The following ADSS2 variants were observed in gnomAD, a reference collection of about 807,000 sequenced individuals.
ADSS2 encodes adenylosuccinate synthase 2, also known as adenylosuccinate synthetase isozyme 2.
A neutral mutation model predicts 60.0 loss-of-function variants in ADSS2; 30 were observed. The ratio of observed to expected loss-of-function variants is 0.50; its 90% CI spans 0.37 to 0.68. The LOEUF (loss-of-function observed/expected upper bound fraction) is 0.68, where lower values mean the gene tolerates loss of function less well. Among genes scored for constraint, ADSS2 ranks in the 30% least tolerant of loss-of-function variants. The pLI is 0.00. For missense variants in ADSS2, 373 were observed against 554.8 expected, an observed-to-expected ratio of 0.67 and a Z score of 3.29; for synonymous variants, 187 against 193.1, an observed-to-expected ratio of 0.97 and a Z score of 0.26.
intron 1 of ADSS2, among the ~76,000 whole-genome samples, chr1:244,444,620 G>A (rs1572149001): frequency 1.3e-5 from 2 of 150,622 alleles, no homozygotes; most frequent in Non-Finnish European, 3.0e-5. Flanking sequence ...AAATAAACTG[G>A]AACATCATGA....
At chr1:244,432,774 C>T (rs1297799456) in intron 3 of ADSS2, among the ~76,000 whole-genome samples, 179 bp from the exon 4 acceptor site, 1 of 147,794 alleles carries the variant, frequency 6.8e-6, no homozygotes, top group Non-Finnish European at 1.5e-5. Flanking sequence ...CTGCCATTCT[C>T]CTGCCTCAGC....
chr1:244,440,564 A>T (rs1210127295), intron 1 of ADSS2, among the ~76,000 whole-genome samples: 2 of 152,158 alleles, frequency 1.3e-5, no homozygotes, highest in Non-Finnish European at 2.9e-5. Flanking sequence ...ATTATTTTTT[A>T]CTATTTATTT....
chr1:244,414,720 G>C (rs568639539), intron 11 of ADSS2, among the ~76,000 whole-genome samples: 9 of 152,336 alleles, frequency 5.9e-5, no homozygotes, highest in Non-Finnish European at 1.2e-4. Flanking sequence ...ACTCTCTGCT[G>C]CTGGTGGGGA....
Position 244,435,350 on chromosome 1 carries a change from T to C in ADSS2, c.355+1475A>G, listed in dbSNP as rs147009209. On this transcript the variant is annotated intron_variant, in intron 3 of 12. Coordinates refer to ENST00000366535, the MANE Select transcript of ADSS2 (RefSeq NM_001126.5). ...AGAATATTTCAGATTTCAGATTTTT[T>C]TTGGACTTTGGAATATCTGCATATA... Among the ~76,000 whole-genome samples, 816 of 152,200 alleles carry C rather than the reference T, an allele frequency of 5.4e-3. 8 individuals carry two copies. Among genetic ancestry groups the C allele is most frequent in the Non-Finnish European group, 6.3e-3 (430 of 68,000 alleles).
intron 1 of ADSS2, among the ~76,000 whole-genome samples, chr1:244,449,552 C>T (rs533854771): frequency 2.0e-5 from 3 of 152,262 alleles, no homozygotes; most frequent in African/African-American, 7.2e-5. Flanking sequence ...TAAGTAGATG[C>T]CAGCTTACTA....
rs1665109892 is a variant in ADSS2 at position 244,436,695 on chromosome 1, A to G, written c.355+130T>C. The G allele has an allele frequency of 2.8e-5, 18 of 640,090 alleles. No homozygotes were observed. The South Asian group carries it at 4.2e-4, about 15-fold the overall frequency. 39.7% of individuals were successfully genotyped at this position (640,090 alleles called of 1,614,324 possible). ...TATAATGAATAAAACTTAATAACTGACATTAAAAATTCGTCTATAATAGCC... is the reference window on the plus strand; with the variant it reads ...TATAATGAATAAAACTTAATAACTGGCATTAAAAATTCGTCTATAATAGCC... On this transcript the variant is annotated intron_variant, in intron 3 of 12. Coordinates refer to ENST00000366535, the MANE Select transcript of ADSS2 (RefSeq NM_001126.5).
At chr1:244,421,818 A>G (rs986997456) in intron 7 of ADSS2, among the ~76,000 whole-genome samples, 1 of 151,778 alleles carries the variant, frequency 6.6e-6, no homozygotes, top group East Asian at 1.9e-4. Context: ...ATCTCTACCA[A>G]AAAAAAACCT....
intron 4 of ADSS2, among the ~76,000 whole-genome samples, chr1:244,429,316 A>G (rs903200372): frequency 1.3e-5 from 2 of 152,204 alleles, no homozygotes; most frequent in Non-Finnish European, 2.9e-5. Context: ...ACAGAATCTC[A>G]TATTATGGAA....
At chr1:244,434,399 T>A (rs1028095141) in intron 3 of ADSS2, among the ~76,000 whole-genome samples, 1 of 151,022 alleles carries the variant, frequency 6.6e-6, no homozygotes, top group African/African-American at 2.4e-5. Flanking sequence ...CCCAAATCGA[T>A]GTTTTTCTTT....
intron 1 of ADSS2, among the ~76,000 whole-genome samples, chr1:244,441,273 T>C (rs1288057084): frequency 6.6e-6 from 1 of 152,118 alleles, no homozygotes; most frequent in African/African-American, 2.4e-5. Flanking sequence ...TTAGCCAGGA[T>C]GGTCTCGATC....
chr1:244,416,039 C>T lies in ADSS2; in HGVS notation c.1110G>A (p.Thr370=), dbSNP rs139329929. ...LTKLDILDMF[T]EIKVGVAYKL... is the part of the protein sequence containing the mutation. The stretch of plus-strand genomic sequence containing the variant: ...TGTAAGCAACTCCAACTTTGATTTC[C>T]GTAAACATGTCCAAAATATCCAACT... Residue 370 remains threonine, a synonymous_variant, in exon 11 of 13, where the codon ACG becomes ACA. Coordinates refer to ENST00000366535, the MANE Select transcript of ADSS2 (RefSeq NM_001126.5). 4.8e-5 allele frequency: 78 copies of T among 1,613,816 alleles called. 1 individual carries two copies. The African/African-American group carries it at 5.7e-4, about 12-fold the overall frequency.
intron 3 of ADSS2, among the ~76,000 whole-genome samples, chr1:244,433,326 AAG>A (rs974764828): frequency 1.3e-5 from 2 of 152,226 alleles, no homozygotes; most frequent in Admixed American, 6.5e-5. Flanking sequence ...CATGTCTAAC[AAG>A]AGTTTTCTCA....
At chr1:244,440,714 T>G (rs1045921983) in intron 1 of ADSS2, among the ~76,000 whole-genome samples, 4 of 152,222 alleles carry the variant, frequency 2.6e-5, no homozygotes, top group Admixed American at 2.0e-4. Flanking sequence ...AGGTGATTTA[T>G]GCATATAAAA....
At chr1:244,419,078 A>G (rs560460959) in intron 8 of ADSS2, 164 bp from the exon 9 acceptor site, 492 of 679,502 alleles carry the variant, frequency 7.2e-4, no homozygotes, top group Admixed American at 1.4e-3. Flanking sequence ...TATTCATTTT[A>G]GCTGTAATGA....
intron 4 of ADSS2, among the ~76,000 whole-genome samples, chr1:244,428,345 C>T (rs1287014593): frequency 6.6e-6 from 1 of 151,976 alleles, no homozygotes; most frequent in Non-Finnish European, 1.5e-5. Context: ...ACATCATACT[C>T]AACTTATAAG....
chr1:244,427,043 T>C (rs1223411711), intron 4 of ADSS2, among the ~76,000 whole-genome samples: 2 of 152,098 alleles, frequency 1.3e-5, no homozygotes, highest in Non-Finnish European at 2.9e-5. Context: ...ACCTAACTAA[T>C]CTGGATTTCA....
At chr1:244,428,498 A>AGAAGGAAG (rs60116651) in intron 4 of ADSS2, among the ~76,000 whole-genome samples, 15 of 150,590 alleles carry the variant, frequency 1.0e-4, no homozygotes, top group African/African-American at 3.2e-4. Flanking sequence ...GAGGAAGCAA[A>AGAAGGAAG]GAAGGAAGGA....
chr1:244,450,358 C>A (rs1665514949), intron 1 of ADSS2, among the ~76,000 whole-genome samples: 1 of 152,186 alleles, frequency 6.6e-6, no homozygotes, highest in African/African-American at 2.4e-5. Context: ...TCCTAAGAGG[C>A]AATTAGTGCA....
chr1:244,420,229 C>T lies in ADSS2; in HGVS notation c.731G>A (p.Gly244Glu). 6.2e-7 allele frequency: 1 copy of T among 1,613,662 alleles called. No individual in the cohort carries two copies. The highest frequency in any genetic ancestry group is 1.3e-5 in the African/African-American group (1 of 75,008). ...GVYFLYEALH[G>E]PPKKILVEGA... ...TTCTACCAAGATTTTCTTTGGTGGTCCATGTAGGGCCTCATATAGAAAATA... is the reference window on the plus strand; with the variant it reads ...TTCTACCAAGATTTTCTTTGGTGGTTCATGTAGGGCCTCATATAGAAAATA... Residue 244 changes from glycine (G) to glutamate (E), a missense_variant, in exon 8 of 13, where the codon GGA becomes GAA. Gly to Glu is a moderately conservative substitution (Grantham distance 98). This residue lies in a region of ADSS2 where 139 missense variants were observed against 189.4 expected (regional missense o/e 0.73). Coordinates refer to ENST00000366535, the MANE Select transcript of ADSS2 (RefSeq NM_001126.5).
Sources: gnomAD v4.1 joint callset for allele counts (sites outside exome capture counted in the v4.1 genomes callset) on GRCh38, gnomAD v4.1.1 for gene constraint, gnomAD v4.1.1 regional missense constraint, MANE v1.5 for transcripts, NCBI Gene and HGNC (gene_info 2026-07-23, HGNC 2026-07-21) for gene names.